The following PDE4D variants were observed in gnomAD, a reference collection of about 807,000 sequenced individuals.
PDE4D encodes the protein phosphodiesterase 4D.
A neutral mutation model predicts 87.4 loss-of-function variants in PDE4D; 24 were observed. The observed-to-expected ratio is 0.27, with a 90% CI of 0.20 to 0.39. PDE4D has a LOEUF of 0.39. Among genes scored for constraint, PDE4D ranks in the 10% least tolerant of loss-of-function variants. The pLI is 1.00. For synonymous variants in PDE4D, 384 were observed against 383.2 expected, an observed-to-expected ratio of 1.00 and a Z score of -0.02; for missense variants, 714 against 1,041.0, an observed-to-expected ratio of 0.69 and a Z score of 4.32.
chr5:60,141,273 C>T (rs1289017837), intron 2 of PDE4D, among the ~76,000 whole-genome samples: 6 of 152,058 alleles, frequency 3.9e-5, no homozygotes, highest in South Asian at 2.1e-4. Context: ...ACAGCAATTA[C>T]GAAAGTAGGC....
intron 1 of PDE4D, among the ~76,000 whole-genome samples, chr5:59,600,368 G>GTGTAAA (rs1434167573): frequency 2.0e-5 from 3 of 152,170 alleles, no homozygotes; most frequent in Non-Finnish European, 4.4e-5. Context: ...GGCTATGACT[G>GTGTAAA]TCCATCCTGT....
intron 1 of PDE4D, among the ~76,000 whole-genome samples, chr5:59,722,796 T>C (rs1249407991): frequency 6.6e-6 from 1 of 152,128 alleles, no homozygotes; most frequent in Non-Finnish European, 1.5e-5. Context: ...GAATTTCACT[T>C]GAATCTAACT....
At chr5:59,925,957 A>C (rs920481222) in intron 3 of PDE4D, among the ~76,000 whole-genome samples, 3 of 152,176 alleles carry the variant, frequency 2.0e-5, no homozygotes, top group Non-Finnish European at 4.4e-5. Context: ...TGGACACATC[A>C]TTTAGACAGG....
chr5:59,969,209 A>G (rs1170878714), intron 3 of PDE4D, among the ~76,000 whole-genome samples: 1 of 152,188 alleles, frequency 6.6e-6, no homozygotes, highest in African/African-American at 2.4e-5. Flanking sequence ...TCACAAGTCC[A>G]CCATTCACAT....
intron 1 of PDE4D, among the ~76,000 whole-genome samples, chr5:60,480,933 G>T (rs1427583134): frequency 6.6e-6 from 1 of 152,076 alleles, no homozygotes; most frequent in East Asian, 1.9e-4. Flanking sequence ...ATTTTAAATT[G>T]CTTTTGGAAT....
chr5:60,193,662 T>C (rs1583029936), intron 1 of PDE4D, among the ~76,000 whole-genome samples: 1 of 80,880 alleles, frequency 1.2e-5, no homozygotes, highest in Non-Finnish European at 2.1e-5. Flanking sequence ...ACAGCGAGAC[T>C]CCGTCTCAAA....
At chr5:60,062,620 G>A (rs1771530079) in intron 2 of PDE4D, among the ~76,000 whole-genome samples, 1 of 152,158 alleles carries the variant, frequency 6.6e-6, no homozygotes, top group African/African-American at 2.4e-5. Flanking sequence ...GCATATGTAT[G>A]TTTATTGCAG....
At chr5:60,079,135 C>A (rs2152902188) in intron 2 of PDE4D, among the ~76,000 whole-genome samples, 1 of 152,258 alleles carries the variant, frequency 6.6e-6, no homozygotes, top group Middle Eastern at 3.4e-3. Context: ...CTCTGATGAT[C>A]CATGACATTG....
At chr5:59,033,737 A>C (rs1758006218) in intron 6 of PDE4D, among the ~76,000 whole-genome samples, 1 of 152,142 alleles carries the variant, frequency 6.6e-6, no homozygotes, top group South Asian at 2.1e-4. Context: ...GGCAATCCTT[A>C]TGTTTCGGAA....
chr5:60,040,245 T>C (rs1768316255), intron 2 of PDE4D, among the ~76,000 whole-genome samples: 1 of 152,192 alleles, frequency 6.6e-6, no homozygotes, highest in African/African-American at 2.4e-5. Flanking sequence ...AAAGCCTCTT[T>C]TTTGGTACTA....
At chr5:59,901,967 C>G (rs1300717409) in intron 3 of PDE4D, among the ~76,000 whole-genome samples, 3 of 123,988 alleles carry the variant, frequency 2.4e-5, no homozygotes, top group Non-Finnish European at 5.3e-5. Context: ...CACACACACA[C>G]ACACACACAC....
rs78452075 is a variant in PDE4D at position 60,505,244 on chromosome 5, G to A, written n.70+16807C>T. 6.1e-3 allele frequency among the ~76,000 whole-genome samples: 931 copies of A among 152,286 alleles called. 12 individuals are homozygous for A. Among genetic ancestry groups the A allele is most frequent in the African/African-American group, 0.021 (859 of 41,550 alleles). On this transcript the variant is annotated intron_variant and non_coding_transcript_variant, in intron 1 of 2. Transcript: ENST00000506510. ...GCATTACTCACTATTCTCCATGCTC[G>A]TCAGGGCTCTCTCCTTGCCATTTTG...
intron 2 of PDE4D, among the ~76,000 whole-genome samples, chr5:60,082,029 T>C (rs910018853): frequency 6.6e-6 from 1 of 152,212 alleles, no homozygotes; most frequent in East Asian, 1.9e-4. Context: ...TTCCTCACTA[T>C]AGCAGTACCT....
intron 1 of PDE4D, among the ~76,000 whole-genome samples, chr5:59,708,220 C>T (rs947276945): frequency 2.0e-4 from 30 of 151,786 alleles, no homozygotes; most frequent in African/African-American, 6.8e-4. Flanking sequence ...TGATGTTGAG[C>T]TTTTTTTTCA....
intron 2 of PDE4D, among the ~76,000 whole-genome samples, chr5:60,159,257 C>T (rs1196635705): frequency 6.6e-6 from 1 of 152,140 alleles, no homozygotes; most frequent in Non-Finnish European, 1.5e-5. Context: ...ATAGCAATGC[C>T]TTCTTCTGGA....
At chr5:60,261,707 A>G (rs758684431) in intron 1 of PDE4D, among the ~76,000 whole-genome samples, 28 of 152,168 alleles carry the variant, frequency 1.8e-4, no homozygotes, top group Non-Finnish European at 3.5e-4. Context: ...AAAAAAATCA[A>G]TTTGCATTGA....
intron 2 of PDE4D, among the ~76,000 whole-genome samples, chr5:60,132,726 T>C (rs1386644191): frequency 6.6e-6 from 1 of 152,094 alleles, no homozygotes; most frequent in Non-Finnish European, 1.5e-5. Flanking sequence ...TCACTATGGT[T>C]ACATTTAAAA....
At chr5:60,317,452 T>G (rs1240743435) in intron 1 of PDE4D, among the ~76,000 whole-genome samples, 2 of 152,234 alleles carry the variant, frequency 1.3e-5, no homozygotes, top group African/African-American at 4.8e-5. Flanking sequence ...TTGGATTCAT[T>G]GATTTTTTGA....
In PDE4D at chr5:60,238,177, T is replaced by C. The variant is rs1283847705; in HGVS notation, c.-89-52490A>G. On this transcript the variant is annotated intron_variant, in intron 1 of 16. Coordinates refer to the PDE4D transcript ENST00000502484. ...TTTTTGTTTTTGCTTAAATTTATGT[T>C]GCTATTATGTTGTTTATTAAATTTA... Among the ~76,000 whole-genome samples, 4 of 152,020 alleles carry C rather than the reference T, an allele frequency of 2.6e-5. No individual in the cohort carries two copies. The East Asian group carries it at 7.7e-4, about 29-fold the overall frequency.
Sources: allele counts gnomAD v4.1 joint callset (sites outside exome capture counted in the v4.1 genomes callset), GRCh38; gene constraint gnomAD v4.1.1; transcripts MANE v1.5; gene names NCBI Gene and HGNC (gene_info 2026-07-23, HGNC 2026-07-21).